RXFP2: variants seen among roughly 807,000 people sequenced by gnomAD.
RXFP2 encodes relaxin receptor 2.
Under a neutral mutation model 88.6 loss-of-function variants are expected in RXFP2, and 68 were observed. That is an observed-to-expected ratio of 0.77 (90% confidence interval 0.63 to 0.94). RXFP2 has a LOEUF of 0.94. Among genes scored for constraint, RXFP2 ranks in the 40% least tolerant of loss-of-function variants. RXFP2 has a pLI of 0.00. For missense variants in RXFP2, 791 were observed against 893.9 expected (o/e 0.88, Z 1.47); for synonymous variants, 329 against 306.8 (o/e 1.07, Z -0.76).
Position 31,777,548 on chromosome 13 carries a change from ATTT to A in RXFP2, c.713+104_713+106del, listed in dbSNP as rs900445268. The stretch of plus-strand genomic sequence containing the variant: ...TTTTAAAAAAATCAAGCCCACAAAA[ATTT>A]TTATTAGTCAAAACTTCTCCTGTGT... On this transcript the variant is annotated intron_variant, in intron 8 of 17. Transcript: ENST00000298386. 21 of 847,930 alleles carry A rather than the reference ATTT, an allele frequency of 2.5e-5. 1 individual carries two copies. Among genetic ancestry groups the A allele is most frequent in the Middle Eastern group, 3.4e-4 (1 of 2,962 alleles). The allele number at this position is 847,930 out of a possible 1,614,324, so 52.5% of individuals were successfully genotyped here. A position where few individuals can be genotyped will look rare whatever the true frequency, so the allele number is the denominator to read the frequency against.
intron 1 of RXFP2, among the ~76,000 whole-genome samples, chr13:31,755,304 A>C (rs879511698): frequency 1.3e-5 from 2 of 152,204 alleles, no homozygotes; most frequent in Non-Finnish European, 2.9e-5. Flanking sequence ...ATAAGATAGA[A>C]TAGCAATGAT....
intron 1 of RXFP2, among the ~76,000 whole-genome samples, chr13:31,754,425 G>A (rs1304622025): frequency 6.6e-6 from 1 of 152,192 alleles, no homozygotes; most frequent in East Asian, 1.9e-4. Context: ...CAGCTACTGG[G>A]GAGGATGAGA....
rs1357119829 is a variant in RXFP2, at chr13:31,802,307, T to C, written c.2167T>C (p.Ser723Pro). Reference protein sequence around the residue: ...SIFKIKKKSLSTSIVWIEDSS... With the variant: ...SIFKIKKKSLPTSIVWIEDSS... ...TTTCAAAATTAAAAAAAAAAGTTTA[T>C]CTACATCCATTGTGTGGATAGAGGA... The change falls in exon 18 of 18, where the codon TCT becomes CCT. Residue 723 changes from serine (S) to proline (P), a missense_variant. Ser to Pro is a moderately conservative substitution (Grantham distance 74). Coordinates refer to ENST00000298386, the MANE Select transcript of RXFP2 (RefSeq NM_130806.5). 30 of 1,612,796 alleles carry C rather than the reference T, an allele frequency of 1.9e-5. 1 individual carries two copies. The East Asian group carries it at 6.2e-4, about 34-fold the overall frequency.
rs1339071981 is a variant in RXFP2, at chr13:31,802,335, C to A, written c.2195C>A (p.Ser732Tyr). The change falls in exon 18 of 18, where the codon TCC becomes TAC. Residue 732 changes from serine to tyrosine, a missense_variant. By Grantham distance (144) the Ser-to-Tyr change is moderately radical. Transcript: ENST00000298386. Reference sequence around the variant, plus strand: ...ACATCCATTGTGTGGATAGAGGACTCCTCTTCCCTGAAACTTGGGGTTTTG... The same window carrying A: ...ACATCCATTGTGTGGATAGAGGACTACTCTTCCCTGAAACTTGGGGTTTTG... ...LSTSIVWIEDSSSLKLGVLNK... is the reference protein window; with the variant it reads ...LSTSIVWIEDYSSLKLGVLNK... 2 of 1,613,022 alleles carry A rather than the reference C, an allele frequency of 1.2e-6. No homozygotes were observed. The highest frequency in any genetic ancestry group is 1.7e-5 in the Admixed American group (1 of 59,996).
At chr13:31,782,573 A>G in intron 10 of RXFP2, 103 bp from the exon 11 acceptor site, 3 of 857,196 alleles carry the variant, frequency 3.5e-6, no homozygotes, top group Non-Finnish European at 6.0e-6. Context: ...AAGACTTCAA[A>G]GGAGGCTTAT....
intron 7 of RXFP2, among the ~76,000 whole-genome samples, chr13:31,775,799 G>A (rs186778649): frequency 4.6e-5 from 7 of 152,358 alleles, no homozygotes; most frequent in Non-Finnish European, 8.8e-5. Flanking sequence ...AAACATGATA[G>A]CTTGTAGTAT....
At chr13:31,741,763 G>A (rs1871231716) in intron 1 of RXFP2, among the ~76,000 whole-genome samples, 1 of 152,094 alleles carries the variant, frequency 6.6e-6, no homozygotes, top group Non-Finnish European at 1.5e-5. Context: ...TATTCACTGT[G>A]TATCTCTGTT....
chr13:31,747,580 G>T (rs1394222344), intron 1 of RXFP2, among the ~76,000 whole-genome samples: 1 of 152,100 alleles, frequency 6.6e-6, no homozygotes, highest in African/African-American at 2.4e-5. Flanking sequence ...TTACAGAAAC[G>T]GCATTGCTAT....
At chr13:31,742,133 A>G (rs1478528565) in intron 1 of RXFP2, among the ~76,000 whole-genome samples, 1 of 152,246 alleles carries the variant, frequency 6.6e-6, no homozygotes, top group Non-Finnish European at 1.5e-5. Context: ...ACCATATTAC[A>G]AATCAAAAAC....
chr13:31,751,036 T>A (rs1470958368), intron 1 of RXFP2, among the ~76,000 whole-genome samples: 1 of 152,160 alleles, frequency 6.6e-6, no homozygotes, highest in Non-Finnish European at 1.5e-5. Flanking sequence ...ATGCCTGTAA[T>A]CCCAGCACTT....
intron 11 of RXFP2, 88 bp downstream of exon 11, chr13:31,782,835 A>G: frequency 1.2e-6 from 1 of 819,886 alleles, no homozygotes; most frequent in Non-Finnish European, 2.1e-6. Context: ...TGCCACTAGT[A>G]GCAATCAAAA....
At chr13:31,764,550 G>A (rs370316473) in intron 3 of RXFP2, among the ~76,000 whole-genome samples, 85 of 152,304 alleles carry the variant, frequency 5.6e-4, no homozygotes, top group African/African-American at 2.0e-3. Flanking sequence ...TAAGGTGCCA[G>A]GGTGGTTATG....
intron 11 of RXFP2, among the ~76,000 whole-genome samples, chr13:31,784,527 T>C (rs911580469): frequency 6.6e-6 from 1 of 152,178 alleles, no homozygotes; most frequent in Non-Finnish European, 1.5e-5. Flanking sequence ...TTTCTAGGTG[T>C]ATGAAATCAT....
intron 15 of RXFP2, 122 bp from the exon 16 acceptor site, chr13:31,792,556 G>C: frequency 1.1e-6 from 1 of 922,804 alleles, no homozygotes; most frequent in East Asian, 2.4e-5. Flanking sequence ...TAGTTCATTT[G>C]ATATAAGATG....
In RXFP2 at chr13:31,803,098, T is replaced by C. The variant is rs1031128964; in HGVS notation, c.*693T>C. On this transcript the variant is annotated 3_prime_UTR_variant, in exon 18 of 18. Transcript: ENST00000298386. ...GAAGGTTGCCCAGGGCACAAACAAA[T>C]TGGACACTTTCACTGCTAAAAAGTA... The C allele has an allele frequency of 6.6e-6, 1 of 152,312 alleles. No homozygotes were observed. Among genetic ancestry groups the C allele is most frequent in the Non-Finnish European group, 1.5e-5 (1 of 68,132 alleles). 9.4% of individuals were successfully genotyped at this position (152,312 alleles called of 1,614,324 possible). A position where few individuals can be genotyped will look rare whatever the true frequency, so the allele number is the denominator to read the frequency against.
chr13:31,789,080 T>C lies in RXFP2; in HGVS notation c.1074-42T>C, dbSNP rs45505793. On this transcript the variant is annotated intron_variant, in intron 13 of 17. Transcript: ENST00000298386. ...GATGAAGAATGCAATTATTAAAACG[T>C]TTCATCTCAACACCATTAAACCTAT... 53,849 of 1,238,300 alleles carry C rather than the reference T, an allele frequency of 0.043. 1,965 individuals carry two copies. The highest frequency in any genetic ancestry group is 0.15 in the South Asian group (12,791 of 83,398). The allele number at this position is 1,238,300 out of a possible 1,614,324, so 76.7% of individuals were successfully genotyped here.
chr13:31,778,319 GTTTC>G (rs1410108099), intron 8 of RXFP2, among the ~76,000 whole-genome samples, 189 bp from the exon 9 acceptor site: 1 of 152,068 alleles, frequency 6.6e-6, no homozygotes, highest in Non-Finnish European at 1.5e-5. Context: ...TGCATTCATA[GTTTC>G]TTTGACAACA....
intron 1 of RXFP2, among the ~76,000 whole-genome samples, chr13:31,748,355 G>C (rs950035945): frequency 2.0e-5 from 3 of 152,092 alleles, no homozygotes; most frequent in Admixed American, 2.0e-4. Context: ...CAGTGTATGA[G>C]GATTTGCATG....
In RXFP2 at chr13:31,777,104, G is replaced by A. The variant is rs114539267; in HGVS notation, c.642-272G>A. On this transcript the variant is annotated intron_variant, in intron 7 of 17. Transcript: ENST00000298386. ...CAGACCCAGGTACCCAGAGGTGACA[G>A]ATACAACCTGGGTCTTTAAGTCCAG... 3.5e-3 allele frequency among the ~76,000 whole-genome samples: 540 copies of A among 152,268 alleles called. 2 individuals carry two copies. Among genetic ancestry groups the A allele is most frequent in the African/African-American group, 0.012 (516 of 41,534 alleles).
Sources: allele counts gnomAD v4.1 joint callset (sites outside exome capture counted in the v4.1 genomes callset), GRCh38; gene constraint gnomAD v4.1.1; transcripts MANE v1.5; gene names NCBI Gene and HGNC (gene_info 2026-07-23, HGNC 2026-07-21).